Variants in TOMM70 observed in about 807,000 individuals in gnomAD.
The protein encoded by TOMM70 is mitochondrial import receptor subunit TOM70.
TOMM70 carries 13 observed loss-of-function variants against 73.6 expected under a neutral mutation model. The ratio of observed to expected loss-of-function variants is 0.18; its 90% CI spans 0.11 to 0.28. TOMM70 has a LOEUF of 0.28. Among genes scored for constraint, TOMM70 ranks in the 10% least tolerant of loss-of-function variants. TOMM70 has a pLI of 1.00. For synonymous variants in TOMM70, 257 were observed against 271.2 expected (o/e 0.95, Z 0.51); for missense variants, 609 against 747.5 (o/e 0.81, Z 2.16).
At chr3:100,387,581 G>GAC (rs1195105016) in intron 1 of TOMM70, among the ~76,000 whole-genome samples, 4 of 126,556 alleles carry the variant, frequency 3.2e-5, no homozygotes, top group Non-Finnish European at 6.2e-5. Flanking sequence ...CCAGCTAAAA[G>GAC]ACACAGACAC....
intron 1 of TOMM70, among the ~76,000 whole-genome samples, chr3:100,394,809 T>C (rs1400125654): frequency 6.6e-6 from 1 of 152,082 alleles, no homozygotes; most frequent in East Asian, 1.9e-4. Context: ...GGCCAACCAA[T>C]TGTTACTTTC....
In TOMM70 at chr3:100,365,429, G is replaced by T; in HGVS notation, c.*135C>A. On this transcript the variant is annotated 3_prime_UTR_variant, in exon 12 of 12. Transcript: ENST00000284320. The stretch of plus-strand genomic sequence containing the variant: ...ACCCACAACACCTAGACATGAAACA[G>T]ATGTAACAAATAACAACACCACAAA... The T allele has an allele frequency of 1.5e-6, 2 of 1,338,492 alleles. No homozygotes were observed. The highest frequency in any genetic ancestry group is 2.0e-6 in the Non-Finnish European group (2 of 978,012). The allele number at this position is 1,338,492 out of a possible 1,614,324, so 82.9% of individuals were successfully genotyped here.
At chr3:100,394,949 C>T (rs1245669961) in intron 1 of TOMM70, among the ~76,000 whole-genome samples, 1 of 152,090 alleles carries the variant, frequency 6.6e-6, no homozygotes, top group African/African-American at 2.4e-5. Flanking sequence ...GACAACCAAC[C>T]CCACCTACTA....
chr3:100,372,264 T>C (rs776523559), intron 9 of TOMM70: 4 of 190,544 alleles, frequency 2.1e-5, no homozygotes, highest in East Asian at 2.6e-4. Context: ...AGTGACCAGA[T>C]AGAAAGAAAA....
chr3:100,395,419 A>G (rs6781422), intron 1 of TOMM70, among the ~76,000 whole-genome samples: 111,566 of 151,370 alleles, frequency 0.74, 42,015 homozygotes, highest in East Asian at 0.93. Flanking sequence ...TTCACCAGGC[A>G]TGGTGGCGAG....
intron 10 of TOMM70, among the ~76,000 whole-genome samples, chr3:100,368,731 C>T (rs773654193): frequency 6.6e-6 from 1 of 152,122 alleles, no homozygotes; most frequent in Non-Finnish European, 1.5e-5. Context: ...TGTGCCACCA[C>T]ACCTGGCTAA....
intron 5 of TOMM70, among the ~76,000 whole-genome samples, chr3:100,380,398 AATCCCACTT>A (rs1406274690): frequency 6.6e-6 from 1 of 152,172 alleles, no homozygotes; most frequent in Non-Finnish European, 1.5e-5. Context: ...GATTAGAAGT[AATCCCACTT>A]ACTGAAGAAC....
chr3:100,377,557 A>G (rs1706579539), intron 6 of TOMM70, 148 bp downstream of exon 6: 3 of 685,590 alleles, frequency 4.4e-6, no homozygotes, highest in Non-Finnish European at 4.9e-6. Flanking sequence ...CACTGCACCA[A>G]CTACATTATT....
In TOMM70 at chr3:100,373,596, T is replaced by G; in HGVS notation, c.1277A>C (p.Glu426Ala). The change falls in exon 8 of 12, where the codon GAA becomes GCA. Residue 426 changes from glutamate (E) to alanine (A), a missense_variant. Glu to Ala is a moderately radical substitution (Grantham distance 107). Transcript: ENST00000284320. Reference protein sequence around the residue: ...QVEEAVADFDECIRLRPESAL... With the variant: ...QVEEAVADFDACIRLRPESAL... ...AGACTCAGGTCTTAACCTAATACAT[T>G]CATCAAAATCTGCCACTGCTTCTTC... 2 of 1,613,342 alleles carry G rather than the reference T, an allele frequency of 1.2e-6. No homozygotes were observed. The highest frequency in any genetic ancestry group is 1.7e-6 in the Non-Finnish European group (2 of 1,179,608).
At chr3:100,396,376 A>G (rs1272982172) in intron 1 of TOMM70, among the ~76,000 whole-genome samples, 1 of 152,210 alleles carries the variant, frequency 6.6e-6, no homozygotes, top group African/African-American at 2.4e-5. Flanking sequence ...TGGGCTAAAC[A>G]TATTTAATGC....
At chr3:100,378,135 T>C (rs1333135407) in intron 5 of TOMM70, among the ~76,000 whole-genome samples, 5 of 151,498 alleles carry the variant, frequency 3.3e-5, no homozygotes, top group African/African-American at 9.7e-5. Context: ...CCCAGATACT[T>C]AGGAGGCTGA....
chr3:100,398,612 T>C (rs1706850682), intron 1 of TOMM70, among the ~76,000 whole-genome samples: 1 of 152,156 alleles, frequency 6.6e-6, no homozygotes, highest in East Asian at 1.9e-4. Context: ...CTACTTTTAA[T>C]AGCAGCAGTG....
intron 5 of TOMM70, among the ~76,000 whole-genome samples, chr3:100,381,119 G>C (rs1249065557): frequency 6.6e-6 from 1 of 152,072 alleles, no homozygotes; most frequent in Non-Finnish European, 1.5e-5. Flanking sequence ...CCTGTACTTT[G>C]GTTTCAGCTC....
At chr3:100,377,951 A>T (rs1706583541) in intron 5 of TOMM70, 39 bp from the exon 6 acceptor site, 1 of 1,574,908 alleles carries the variant, frequency 6.3e-7, no homozygotes, top group African/African-American at 1.4e-5. Context: ...ATTTACTAAG[A>T]AAAAATTAAA....
At chr3:100,373,726 T>C (rs1158272109) in intron 7 of TOMM70, 81 bp from the exon 8 acceptor site, 7 of 884,098 alleles carry the variant, frequency 7.9e-6, no homozygotes, top group Non-Finnish European at 1.1e-5. Context: ...TTATTACACC[T>C]CAGCATAATG....
chr3:100,367,582 A>G (rs574698639), intron 11 of TOMM70, among the ~76,000 whole-genome samples: 4 of 152,356 alleles, frequency 2.6e-5, no homozygotes, highest in Admixed American at 1.3e-4. Flanking sequence ...GGAAACATCT[A>G]AAGTTTAATA....
At chr3:100,393,676 C>T (rs1209903157) in intron 1 of TOMM70, among the ~76,000 whole-genome samples, 1 of 152,108 alleles carries the variant, frequency 6.6e-6, no homozygotes, top group African/African-American at 2.4e-5. Flanking sequence ...AGGAACATAC[C>T]CCTCAGCTCT....
chr3:100,373,745 G>A, intron 7 of TOMM70, 100 bp from the exon 8 acceptor site: 1 of 659,426 alleles, frequency 1.5e-6, no homozygotes, highest in Non-Finnish European at 2.5e-6. Flanking sequence ...TGCTGAGCAT[G>A]TAGTAGTAAT....
At chr3:100,394,990 A>C (rs1706806079) in intron 1 of TOMM70, among the ~76,000 whole-genome samples, 2 of 152,370 alleles carry the variant, frequency 1.3e-5, no homozygotes, top group South Asian at 4.1e-4. Flanking sequence ...TAGGAAGAAT[A>C]TACTTTTATA....
Sources: gnomAD v4.1 joint callset for allele counts (sites outside exome capture counted in the v4.1 genomes callset) on GRCh38, gnomAD v4.1.1 for gene constraint, MANE v1.5 for transcripts, NCBI Gene and HGNC (gene_info 2026-07-23, HGNC 2026-07-21) for gene names.